Variants in TMOD1 observed in about 807,000 individuals in gnomAD.
The protein encoded by TMOD1 is tropomodulin-1.
A neutral mutation model predicts 40.6 loss-of-function variants in TMOD1; 17 were observed. That is an observed-to-expected ratio of 0.42 (90% CI 0.29 to 0.63). The LOEUF is 0.63. TMOD1 is among the 20% of genes least tolerant of loss of function. The pLI, the probability that TMOD1 is intolerant of heterozygous loss-of-function variation, is 0.22. For missense variants in TMOD1, 391 were observed against 447.6 expected (o/e 0.87, Z 1.14); for synonymous variants, 181 against 175.0 (o/e 1.03, Z -0.27).
At chr9:97,531,884 C>A (rs1465512776) in intron 2 of TMOD1, among the ~76,000 whole-genome samples, 1 of 152,116 alleles carries the variant, frequency 6.6e-6, no homozygotes, top group Non-Finnish European at 1.5e-5. Context: ...ATCAACAAAA[C>A]CCTGAAGTGG....
chr9:97,554,061 C>G (rs1474202387), intron 4 of TMOD1, among the ~76,000 whole-genome samples: 1 of 152,106 alleles, frequency 6.6e-6, no homozygotes, highest in Non-Finnish European at 1.5e-5. Context: ...AGGTCAGGCT[C>G]TGGCCACATC....
chr9:97,599,860 A>T lies in TMOD1; in HGVS notation c.*162A>T. ...AGGTTGACTAGTGGTTGTAGTTGAA[A>T]ATTTTATAAAATACCGTTAATGTGA... On this transcript the variant is annotated 3_prime_UTR_variant, in exon 10 of 10. Coordinates refer to ENST00000259365, the MANE Select transcript of TMOD1 (RefSeq NM_003275.4). 7.1e-7 allele frequency: 1 copy of T among 1,403,774 alleles called. No homozygotes were observed. Among genetic ancestry groups the T allele is most frequent in the Admixed American group, 2.8e-5 (1 of 35,956 alleles). 87.0% of individuals were successfully genotyped at this position (1,403,774 alleles called of 1,614,324 possible). A position where few individuals can be genotyped will look rare whatever the true frequency, so the allele number is the denominator to read the frequency against.
chr9:97,532,288 C>G (rs938604245), intron 2 of TMOD1, among the ~76,000 whole-genome samples: 4 of 152,206 alleles, frequency 2.6e-5, no homozygotes, highest in South Asian at 2.1e-4. Context: ...TGTCCCCACC[C>G]TACCCTCTGC....
chr9:97,574,274 T>C (rs765708238), intron 8 of TMOD1, among the ~76,000 whole-genome samples: 1 of 151,894 alleles, frequency 6.6e-6, no homozygotes, highest in African/African-American at 2.4e-5. Context: ...CCAGCGCGTG[T>C]TCCGGGTGGG....
chr9:97,568,068 C>T (rs1830759753), intron 7 of TMOD1, among the ~76,000 whole-genome samples: 1 of 152,242 alleles, frequency 6.6e-6, no homozygotes, highest in South Asian at 2.1e-4. Context: ...AGCTCCTCTT[C>T]TCCAGTTTGC....
At chr9:97,573,458 C>G (rs1469432886) in intron 8 of TMOD1, among the ~76,000 whole-genome samples, 1 of 152,150 alleles carries the variant, frequency 6.6e-6, no homozygotes, top group Non-Finnish European at 1.5e-5. Flanking sequence ...TTGTGTCTGG[C>G]TTTTTTTACT....
chr9:97,506,728 G>A (rs532347827), intron 1 of TMOD1, among the ~76,000 whole-genome samples: 1 of 152,318 alleles, frequency 6.6e-6, no homozygotes, highest in Non-Finnish European at 1.5e-5. Context: ...ATTGTCCCAG[G>A]TCATCCAATT....
At chr9:97,559,823 ATG>A (rs1554683056) in intron 4 of TMOD1, among the ~76,000 whole-genome samples, 2,484 of 62,976 alleles carry the variant, frequency 0.039, 109 homozygotes, top group East Asian at 0.069. Context: ...ATATATATAT[ATG>A]TCTATCTATC....
chr9:97,527,497 A>AT (rs1229583552), intron 2 of TMOD1, among the ~76,000 whole-genome samples: 7 of 152,200 alleles, frequency 4.6e-5, no homozygotes, highest in Non-Finnish European at 1.0e-4. Context: ...TGAGCTCTGG[A>AT]TTTTTTTAAT....
intron 8 of TMOD1, among the ~76,000 whole-genome samples, chr9:97,589,200 T>A (rs889382065): frequency 3.3e-5 from 5 of 151,418 alleles, no homozygotes; most frequent in African/African-American, 1.2e-4. Flanking sequence ...CATTTTCAGA[T>A]TGCTTATTGC....
At chr9:97,501,664 G>T (rs946361790), upstream of TMOD1, 128 of 138,032 alleles carry the variant, frequency 9.3e-4, no homozygotes, top group African/African-American at 3.2e-3. Flanking sequence ...GCGGCCGCCC[G>T]GGAGCTCGTC....
intron 2 of TMOD1, among the ~76,000 whole-genome samples, chr9:97,530,578 C>T (rs1470300610): frequency 2.0e-5 from 3 of 151,640 alleles, no homozygotes; most frequent in Admixed American, 6.6e-5. Flanking sequence ...AGCTCTGCCT[C>T]CCGGGTCCAC....
chr9:97,505,474 T>C (rs1410532881), intron 1 of TMOD1, among the ~76,000 whole-genome samples: 1 of 152,150 alleles, frequency 6.6e-6, no homozygotes. Context: ...GTTGTTGCTC[T>C]CCATGCCCAA....
At chr9:97,560,371 A>G (rs1830618606) in intron 4 of TMOD1, among the ~76,000 whole-genome samples, 1 of 152,140 alleles carries the variant, frequency 6.6e-6, no homozygotes, top group Non-Finnish European at 1.5e-5. Context: ...AGTTACTCCT[A>G]GTCTTGAAGG....
intron 2 of TMOD1, among the ~76,000 whole-genome samples, chr9:97,535,936 G>A (rs535166618): frequency 6.6e-6 from 1 of 152,306 alleles, no homozygotes; most frequent in South Asian, 2.1e-4. Context: ...GTCCCAGAGT[G>A]TGTATGTTAG....
chr9:97,555,636 C>G lies in TMOD1; in HGVS notation c.397+2236C>G, dbSNP rs1053923871. On this transcript the variant is annotated intron_variant, in intron 4 of 9. Coordinates refer to ENST00000259365, the MANE Select transcript of TMOD1 (RefSeq NM_003275.4). ...TGGATGCCTGTCATTTGATGTTGGACATTTGAAAGATGGCAGCATCTCTGG... is the reference window on the plus strand; with the variant it reads ...TGGATGCCTGTCATTTGATGTTGGAGATTTGAAAGATGGCAGCATCTCTGG... 31 of 1,551,002 alleles carry G rather than the reference C, an allele frequency of 2.0e-5. 1 individual carries two copies. In the South Asian group the frequency reaches 3.3e-4, roughly 17 times the overall value.
At chr9:97,561,409 G>A (rs1830639122) in intron 4 of TMOD1, among the ~76,000 whole-genome samples, 1 of 152,144 alleles carries the variant, frequency 6.6e-6, no homozygotes. Context: ...ACCATCCAGG[G>A]AGCTTTAAAA....
Position 97,589,531 on chromosome 9 carries a change from G to A in TMOD1, c.871-1760G>A, listed in dbSNP as rs572570847. ...CTTGACCTCGTGATCCACCCGCCTC[G>A]GCCTCCCAAAGTGCTGGGATTACAG... On this transcript the variant is annotated intron_variant, in intron 8 of 9. Transcript: ENST00000259365. 2.8e-4 allele frequency among the ~76,000 whole-genome samples: 43 copies of A among 151,802 alleles called. No homozygotes were observed. In the South Asian group the frequency reaches 7.9e-3, roughly 28 times the overall value.
In TMOD1 at chr9:97,556,425, C is replaced by G. The variant is rs76794314; in HGVS notation, c.397+3025C>G. Reference sequence around the variant, plus strand: ...CCAGAGAGTGGTGGGTGGTTGGAGCCTTTTTCACAGAGCGGGTGACTGGGA... The same window carrying G: ...CCAGAGAGTGGTGGGTGGTTGGAGCGTTTTTCACAGAGCGGGTGACTGGGA... On this transcript the variant is annotated intron_variant, in intron 4 of 9. Transcript: ENST00000259365. 5.0e-4 allele frequency among the ~76,000 whole-genome samples: 76 copies of G among 152,208 alleles called. 2 individuals carry two copies. In the East Asian group the frequency reaches 0.014, roughly 28 times the overall value.
Sources: gnomAD v4.1 joint callset for allele counts (sites outside exome capture counted in the v4.1 genomes callset) on GRCh38, gnomAD v4.1.1 for gene constraint, MANE v1.5 for transcripts, NCBI Gene and HGNC (gene_info 2026-07-23, HGNC 2026-07-21) for gene names.